The following NR4A1 variants were observed in gnomAD, a reference collection of about 807,000 sequenced individuals.
NR4A1 encodes the protein nuclear receptor subfamily 4immunitygroup A member 1.
In NR4A1, 24 loss-of-function variants were observed where a neutral mutation model predicts 47.5. The ratio of observed to expected loss-of-function variants is 0.50; its 90% CI spans 0.37 to 0.71. The LOEUF (loss-of-function observed/expected upper bound fraction) is 0.71, where lower values mean the gene tolerates loss of function less well. Among genes scored for constraint, NR4A1 ranks in the 30% least tolerant of loss-of-function variants. NR4A1 has a pLI of 0.00. For synonymous variants in NR4A1, 353 were observed against 345.7 expected, an observed-to-expected ratio of 1.02 and a Z score of -0.24; for missense variants, 669 against 788.6, an observed-to-expected ratio of 0.85 and a Z score of 1.82.
At chr12:52,033,729 C>T (rs1055443441) in intron 1 of NR4A1, among the ~76,000 whole-genome samples, 7 of 152,228 alleles carry the variant, frequency 4.6e-5, no homozygotes, top group African/African-American at 1.2e-4. Context: ...GTCTTTGTGT[C>T]TCTATTTTTT....
chr12:52,037,886 C>T lies in NR4A1; in HGVS notation c.-83-3924C>T, dbSNP rs1592284204. 5.1e-6 allele frequency: 5 copies of T among 976,120 alleles called. No individual in the cohort carries two copies. The South Asian group carries it at 1.9e-4, about 37-fold the overall frequency. 60.5% of individuals were successfully genotyped at this position (976,120 alleles called of 1,614,324 possible). On this transcript the variant is annotated intron_variant, in intron 1 of 7. Transcript: ENST00000360284. ...CGGAGCTGGGGATTAGGACTCGGGGCTTGTGTCTCCCAGGCGTGTTTTTTT... is the reference window on the plus strand; with the variant it reads ...CGGAGCTGGGGATTAGGACTCGGGGTTTGTGTCTCCCAGGCGTGTTTTTTT...
chr12:52,024,584 C>T (rs1345314313), intron 1 of NR4A1, among the ~76,000 whole-genome samples: 3 of 152,152 alleles, frequency 2.0e-5, no homozygotes. Flanking sequence ...ACTGGAGAGG[C>T]TGAGATGGGA....
intron 6 of NR4A1, 44 bp from the exon 7 acceptor site, chr12:52,058,644 G>T: frequency 1.3e-6 from 2 of 1,493,474 alleles, no homozygotes; most frequent in African/African-American, 1.4e-5. Flanking sequence ...GGCTTTGGGG[G>T]CCTGGTTCTC....
At chr12:52,046,722 G>A (rs1371513402), upstream of NR4A1, among the ~76,000 whole-genome samples, 2 of 152,166 alleles carry the variant, frequency 1.3e-5, no homozygotes, top group African/African-American at 4.8e-5. Context: ...GGTGACTCAC[G>A]CCTGTAATCC....
rs116577997 is a variant in NR4A1, at chr12:52,043,888, A to C, written c.37+1959A>C. The C allele has an allele frequency of 1.4e-3, 1,869 of 1,289,214 alleles. 20 individuals carry two copies. The African/African-American group carries it at 0.026, about 18-fold the overall frequency. 79.9% of individuals were successfully genotyped at this position (1,289,214 alleles called of 1,614,324 possible). A position where few individuals can be genotyped will look rare whatever the true frequency, so the allele number is the denominator to read the frequency against. On this transcript the variant is annotated intron_variant, in intron 2 of 7. Coordinates refer to the NR4A1 transcript ENST00000360284. ...TGTCTGGGACCTTTTTCCAGGGTCA[A>C]AGCAGATCGTGAGGAGGAAGCTGGT...
chr12:52,023,862 G>A (rs1452540860), intron 1 of NR4A1, among the ~76,000 whole-genome samples: 1 of 152,234 alleles, frequency 6.6e-6, no homozygotes, highest in Non-Finnish European at 1.5e-5. Flanking sequence ...GCGGGGCGGC[G>A]GCGCCCTCTG....
At chr12:52,033,977 G>A (rs1160646627) in intron 1 of NR4A1, among the ~76,000 whole-genome samples, 1 of 152,212 alleles carries the variant, frequency 6.6e-6, no homozygotes, top group Non-Finnish European at 1.5e-5. Context: ...GTGGAAGGGT[G>A]TCTCCTAGGT....
At chr12:52,030,130 G>C (rs887219051) in intron 1 of NR4A1, among the ~76,000 whole-genome samples, 2 of 152,218 alleles carry the variant, frequency 1.3e-5, no homozygotes, top group African/African-American at 4.8e-5. Context: ...AGGTCTTCAG[G>C]GAATGCTGCT....
intron 1 of NR4A1, chr12:52,052,678 C>CTT: frequency 2.0e-6 from 2 of 984,688 alleles, no homozygotes; most frequent in Non-Finnish European, 2.4e-6. Context: ...TAAGAACCTG[C>CTT]ATGAAGGGGG....
intron 1 of NR4A1, among the ~76,000 whole-genome samples, chr12:52,053,157 G>T (rs920946013): frequency 6.6e-6 from 1 of 152,168 alleles, no homozygotes; most frequent in African/African-American, 2.4e-5. Context: ...CAGGTGTGTA[G>T]GTTGGGAGGG....
intron 1 of NR4A1, among the ~76,000 whole-genome samples, chr12:52,035,070 G>A (rs531939868): frequency 4.6e-5 from 7 of 152,326 alleles, no homozygotes; most frequent in African/African-American, 1.7e-4. Context: ...TTGTGGGTTA[G>A]GGAAATGAGA....
rs781077159 is a variant in NR4A1, at chr12:52,056,209, G to T, written c.1006+50G>T. The T allele has an allele frequency of 7.8e-6, 12 of 1,538,054 alleles. No homozygotes were observed. In the South Asian group the frequency reaches 1.4e-4, roughly 18 times the overall value. On this transcript the variant is annotated intron_variant, in intron 3 of 6. Transcript: ENST00000394825. ...CGGGGCAAGGGTAGGCTTGAGTGGA[G>T]TGGGACCAGCAGGGCCCCCAGGCTT...
At chr12:52,045,877 C>T (rs551653888) in intron 2 of NR4A1, among the ~76,000 whole-genome samples, 89 of 152,322 alleles carry the variant, frequency 5.8e-4, no homozygotes, top group African/African-American at 2.1e-3. Context: ...GAGCTGCCCA[C>T]GGGAAGCCCC....
intron 2 of NR4A1, chr12:52,055,490 TTCCTCTGC>T: frequency 6.9e-6 from 4 of 580,214 alleles, no homozygotes; most frequent in Non-Finnish European, 9.1e-6. Context: ...GCCTCTGGTT[TTCCTCTGC>T]TCCTCTGCCT....
chr12:52,054,845 T>A lies in NR4A1; in HGVS notation c.517T>A (p.Trp173Arg). The A allele has an allele frequency of 1.9e-6, 3 of 1,613,976 alleles. No homozygotes were observed. Among genetic ancestry groups the A allele is most frequent in the Non-Finnish European group, 2.5e-6 (3 of 1,180,008 alleles). ...PSQTYEGLRA[W>R]TEQLPKASGP... Reference sequence around the variant, plus strand: ...CCAGACTTACGAAGGCCTGCGGGCATGGACAGAGCAGCTGCCCAAAGCCTC... The same window carrying A: ...CCAGACTTACGAAGGCCTGCGGGCAAGGACAGAGCAGCTGCCCAAAGCCTC... The change falls in exon 2 of 7, where the codon TGG becomes AGG. Residue 173 changes from tryptophan (W) to arginine (R), a missense_variant. By Grantham distance (101) the Trp-to-Arg change is moderately radical. Transcript: ENST00000394825.
At chr12:52,041,872 G>A in exon 2 of NR4A1, 1 of 1,529,594 alleles carries the variant, frequency 6.5e-7, no homozygotes, top group Non-Finnish European at 8.8e-7. Context: ...CTTCTGCTGG[G>A]CCCTGAAGGC....
chr12:52,052,088 C>T (rs2087978), intron 1 of NR4A1, among the ~76,000 whole-genome samples: 28,581 of 152,080 alleles, frequency 0.19, 3,632 homozygotes, highest in Admixed American at 0.4. Flanking sequence ...AGGGGTTCCC[C>T]ACCCTGAACT....
chr12:52,031,741 C>T (rs557505631), intron 1 of NR4A1, among the ~76,000 whole-genome samples: 1 of 152,142 alleles, frequency 6.6e-6, no homozygotes, highest in African/African-American at 2.4e-5. Flanking sequence ...TCACTGACAT[C>T]CTCCATTTCA....
At chr12:52,038,642 C>T (rs1788240490) in intron 1 of NR4A1, 1 of 731,396 alleles carries the variant, frequency 1.4e-6, no homozygotes, top group African/African-American at 1.7e-5. Flanking sequence ...CATTTAAGAT[C>T]AGTGACTTGG....
Sources: allele counts gnomAD v4.1 joint callset (sites outside exome capture counted in the v4.1 genomes callset), GRCh38; gene constraint gnomAD v4.1.1; transcripts MANE v1.5; gene names NCBI Gene and HGNC (gene_info 2026-07-23, HGNC 2026-07-21).